GOLM2: variants seen among roughly 807,000 people sequenced by gnomAD.
The protein encoded by GOLM2 is protein GOLM2.
Under a neutral mutation model 55.9 loss-of-function variants are expected in GOLM2, and 26 were observed. That is an observed-to-expected ratio of 0.47 (90% CI 0.34 to 0.65). GOLM2 has a LOEUF of 0.65. Among genes scored for constraint, GOLM2 ranks in the 30% least tolerant of loss-of-function variants. GOLM2 has a pLI of 0.01. For missense variants in GOLM2, 486 were observed against 531.8 expected, an observed-to-expected ratio of 0.91 and a Z score of 0.85; for synonymous variants, 165 against 194.6, an observed-to-expected ratio of 0.85 and a Z score of 1.27.
chr15:44,381,047 A>T (rs959781961), intron 8 of GOLM2, 71 bp downstream of exon 8: 9 of 922,206 alleles, frequency 9.8e-6, no homozygotes, highest in South Asian at 3.3e-5. Context: ...GGTCTTCATT[A>T]TTCTGCTCTC....
chr15:44,346,849 G>T (rs752735772), intron 6 of GOLM2, among the ~76,000 whole-genome samples: 1 of 152,156 alleles, frequency 6.6e-6, no homozygotes, highest in African/African-American at 2.4e-5. Context: ...TTAAAGAGAG[G>T]CTAGGTGTAG....
intron 6 of GOLM2, among the ~76,000 whole-genome samples, chr15:44,340,095 TACAAGC>T (rs1213944851): frequency 6.6e-6 from 1 of 152,144 alleles, no homozygotes; most frequent in Non-Finnish European, 1.5e-5. Flanking sequence ...ATGCAGGGAT[TACAAGC>T]ATCAGCTACC....
intron 1 of GOLM2, among the ~76,000 whole-genome samples, chr15:44,290,888 G>GC (rs909705611): frequency 5.8e-4 from 88 of 151,800 alleles, no homozygotes; most frequent in African/African-American, 1.8e-3. Context: ...TGCAACCTCC[G>GC]CCCCCCCGGG....
chr15:44,413,760 A>C lies in GOLM2; in HGVS notation c.*354A>C, dbSNP rs2079654537. On this transcript the variant is annotated 3_prime_UTR_variant, in exon 10 of 10. Coordinates refer to ENST00000299957, the MANE Select transcript of GOLM2 (RefSeq NM_138423.4). ...AGGTTATATGTGGCATAGCATAACC[A>C]CAGTAAGAACAGAACAGATATTCAG... The C allele has an allele frequency of 5.8e-6, 1 of 171,836 alleles. No homozygotes were observed. Among genetic ancestry groups the C allele is most frequent in the South Asian group, 1.8e-4 (1 of 5,618 alleles). 10.6% of individuals were successfully genotyped at this position (171,836 alleles called of 1,614,324 possible).
intron 1 of GOLM2, among the ~76,000 whole-genome samples, chr15:44,290,891 C>G (rs768668203): frequency 4.6e-5 from 7 of 151,902 alleles, no homozygotes; most frequent in Non-Finnish European, 4.4e-5. Flanking sequence ...AACCTCCGCC[C>G]CCCCGGGGTT....
At chr15:44,405,196 C>G (rs1178112554) in intron 9 of GOLM2, 1 of 152,176 alleles carries the variant, frequency 6.6e-6, no homozygotes, top group African/African-American at 2.4e-5. Context: ...GTTGCCCTCC[C>G]ATTCCTTTCA....
chr15:44,340,182 C>T (rs1426673687), intron 6 of GOLM2, among the ~76,000 whole-genome samples: 1 of 150,968 alleles, frequency 6.6e-6, no homozygotes, highest in Non-Finnish European at 1.5e-5. Flanking sequence ...TGATCTCAAA[C>T]TCCTGGGCTT....
chr15:44,390,663 A>G (rs1340403958), intron 8 of GOLM2, among the ~76,000 whole-genome samples: 1 of 149,998 alleles, frequency 6.7e-6, no homozygotes, highest in East Asian at 2.0e-4. Context: ...TCCACCTCCC[A>G]GGTTCAAGTG....
At chr15:44,371,027 C>T (rs1203707018) in intron 6 of GOLM2, among the ~76,000 whole-genome samples, 1 of 152,170 alleles carries the variant, frequency 6.6e-6, no homozygotes, top group African/African-American at 2.4e-5. Context: ...CATGAAGTCT[C>T]ACCCTGTGCA....
chr15:44,375,102 C>T (rs2079356005), intron 6 of GOLM2, among the ~76,000 whole-genome samples: 1 of 152,110 alleles, frequency 6.6e-6, no homozygotes, highest in African/African-American at 2.4e-5. Context: ...ACTGCAACCT[C>T]CTCCACCTCC....
intron 8 of GOLM2, among the ~76,000 whole-genome samples, chr15:44,392,090 T>A (rs924207512): frequency 2.0e-5 from 3 of 151,990 alleles, no homozygotes; most frequent in African/African-American, 7.2e-5. Flanking sequence ...CCTCAGGTGA[T>A]GCTCCTGGCT....
At position 44,351,264 on chromosome 15, in the gene GOLM2, G is replaced by T. The variant is rs533489188; in HGVS notation, c.802+12947G>T. 3.3e-5 allele frequency among the ~76,000 whole-genome samples: 5 copies of T among 152,142 alleles called. No individual in the cohort carries two copies. The East Asian group carries it at 9.7e-4, about 29-fold the overall frequency. The stretch of plus-strand genomic sequence containing the variant: ...ATTTAACCTAGTACTGGAAGTCCTA[G>T]CTAGAGCAATCAGACGAAAGAAAGA... On this transcript the variant is annotated intron_variant, in intron 6 of 9. Transcript: ENST00000299957.
chr15:44,343,397 A>T (rs2079101638), intron 6 of GOLM2, among the ~76,000 whole-genome samples: 1 of 151,254 alleles, frequency 6.6e-6, no homozygotes, highest in Admixed American at 6.6e-5. Context: ...TCTCTTTGCC[A>T]CTCCTTTTTC....
intron 1 of GOLM2, among the ~76,000 whole-genome samples, chr15:44,303,732 A>ATTTT (rs541563417): frequency 5.4e-5 from 7 of 130,800 alleles, no homozygotes; most frequent in Non-Finnish European, 6.6e-5. Flanking sequence ...CACCTGGCTA[A>ATTTT]TTTTTTTTTT....
intron 6 of GOLM2, among the ~76,000 whole-genome samples, chr15:44,370,024 A>G (rs2079319695): frequency 6.6e-6 from 1 of 152,162 alleles, no homozygotes; most frequent in Non-Finnish European, 1.5e-5. Flanking sequence ...GGCAGGAAGC[A>G]TCCAGCACGA....
chr15:44,366,157 C>T (rs893154234), intron 6 of GOLM2, among the ~76,000 whole-genome samples: 1 of 151,880 alleles, frequency 6.6e-6, no homozygotes, highest in South Asian at 2.1e-4. Context: ...ATTAGCTGGG[C>T]GTGGTGGCGG....
chr15:44,332,944 T>TG (rs2079032081), intron 4 of GOLM2, among the ~76,000 whole-genome samples: 2 of 152,112 alleles, frequency 1.3e-5, no homozygotes, highest in African/African-American at 4.8e-5. Flanking sequence ...TCATTTTTTT[T>TG]TGTGTGTGTG....
chr15:44,406,661 A>G (rs1056047461), intron 9 of GOLM2: 1 of 152,182 alleles, frequency 6.6e-6, no homozygotes, highest in African/African-American at 2.4e-5. Context: ...AGAAAGTAGA[A>G]ACTTTATTGC....
At chr15:44,357,228 C>T (rs375553940) in intron 6 of GOLM2, among the ~76,000 whole-genome samples, 1 of 152,070 alleles carries the variant, frequency 6.6e-6, no homozygotes, top group South Asian at 2.1e-4. Context: ...GGGATTTATC[C>T]CAGGTATGCA....
Sources: gnomAD v4.1 joint callset for allele counts (sites outside exome capture counted in the v4.1 genomes callset) on GRCh38, gnomAD v4.1.1 for gene constraint, MANE v1.5 for transcripts, NCBI Gene and HGNC (gene_info 2026-07-23, HGNC 2026-07-21) for gene names.